Variants in ZNF782 observed in about 807,000 individuals in gnomAD.
ZNF782 encodes the protein zinc finger protein 782.
A neutral mutation model predicts 13.0 loss-of-function variants in ZNF782; 12 were observed. The ratio of observed to expected loss-of-function variants is 0.92; its 90% CI spans 0.59 to 1.50. The LOEUF is 1.50. ZNF782 is among the 40% of genes most tolerant of loss of function. The pLI is 0.00. For missense variants in ZNF782, 770 were observed against 822.9 expected, an observed-to-expected ratio of 0.94 and a Z score of 0.79; for synonymous variants, 284 against 283.0, an observed-to-expected ratio of 1.00 and a Z score of -0.04.
the ZNF782 span, among the ~76,000 whole-genome samples, chr9:96,933,183 T>A: frequency 3.3e-5 from 5 of 149,594 alleles, no homozygotes; most frequent in African/African-American, 1.2e-4. Flanking sequence ...TTTCACCATG[T>A]TAGCCAGGAT....
At position 96,817,765 on chromosome 9, in the gene ZNF782, C is replaced by T; in HGVS notation, c.*158G>A. On this transcript the variant is annotated 3_prime_UTR_variant, in exon 6 of 6. Transcript: ENST00000481138. ...AATGCCCATATAAAATAGATTTCAACAATTTATCTTCTATTCTTTGATATT... is the reference window on the plus strand; with the variant it reads ...AATGCCCATATAAAATAGATTTCAATAATTTATCTTCTATTCTTTGATATT... 1 of 628,042 alleles carries T rather than the reference C, an allele frequency of 1.6e-6. No homozygotes were observed. The highest frequency in any genetic ancestry group is 3.3e-5 in the South Asian group (1 of 30,326). The allele number at this position is 628,042 out of a possible 1,614,324, so 38.9% of individuals were successfully genotyped here. A position where few individuals can be genotyped will look rare whatever the true frequency, so the allele number is the denominator to read the frequency against.
chr9:96,907,892 T>TC, the ZNF782 span, among the ~76,000 whole-genome samples: 3 of 151,724 alleles, frequency 2.0e-5, no homozygotes, highest in Non-Finnish European at 2.9e-5. Flanking sequence ...CTGCCCACCT[T>TC]GGCCTCCCAA....
At chr9:96,843,882 A>G (rs1851261763) in intron 4 of ZNF782, among the ~76,000 whole-genome samples, 1 of 152,212 alleles carries the variant, frequency 6.6e-6, no homozygotes, top group African/African-American at 2.4e-5. Context: ...TCTGTAAAAC[A>G]TATATCTAAT....
chr9:96,847,594 A>C lies in ZNF782; in HGVS notation c.16-2578T>G, dbSNP rs1484685177. ...AATGGATAAATTCTTGCAAACATACAACACTCCTAGATTAAATCAGGAAGA... is the reference window on the plus strand; with the variant it reads ...AATGGATAAATTCTTGCAAACATACCACACTCCTAGATTAAATCAGGAAGA... On this transcript the variant is annotated intron_variant, in intron 3 of 5. Coordinates refer to ENST00000481138, the MANE Select transcript of ZNF782 (RefSeq NM_001001662.3). 2.0e-5 allele frequency among the ~76,000 whole-genome samples: 3 copies of C among 152,206 alleles called. No homozygotes were observed. The East Asian group carries it at 5.8e-4, about 29-fold the overall frequency.
the ZNF782 span, among the ~76,000 whole-genome samples, chr9:96,916,705 G>A: frequency 2.6e-5 from 4 of 151,824 alleles, no homozygotes; most frequent in South Asian, 4.2e-4. Context: ...AGGCCTTTGC[G>A]GAGGCTGGGC....
intron 3 of ZNF782, among the ~76,000 whole-genome samples, chr9:96,859,790 A>G (rs1279903339): frequency 2.0e-5 from 3 of 152,206 alleles, no homozygotes; most frequent in Non-Finnish European, 2.9e-5. Flanking sequence ...CAGCTCAGCT[A>G]CAGTGGAGAA....
At chr9:96,826,566 G>GTAAATAAA (rs1041997297) in intron 5 of ZNF782, among the ~76,000 whole-genome samples, 14 of 151,696 alleles carry the variant, frequency 9.2e-5, no homozygotes, top group Non-Finnish European at 2.1e-4. Context: ...AAATAAATAA[G>GTAAATAAA]TAAATAAATA....
chr9:96,886,339 A>G, the ZNF782 span, among the ~76,000 whole-genome samples: 1 of 152,212 alleles, frequency 6.6e-6, no homozygotes, highest in Admixed American at 6.5e-5. Context: ...AATGAGTAAA[A>G]ATAAGGGCAA....
the ZNF782 span, chr9:96,894,589 C>T: frequency 6.6e-6 from 1 of 152,178 alleles, no homozygotes; most frequent in South Asian, 2.1e-4. Flanking sequence ...CAGAGTTGAG[C>T]CCAATCTCTC....
upstream of ZNF782, among the ~76,000 whole-genome samples, chr9:96,878,673 G>C (rs1851925059): frequency 6.6e-6 from 1 of 152,140 alleles, no homozygotes; most frequent in Non-Finnish European, 1.5e-5. Flanking sequence ...GGAATATCAT[G>C]TTTATTTAAT....
the ZNF782 span, chr9:96,931,784 G>T: frequency 1.9e-6 from 3 of 1,611,654 alleles, no homozygotes; most frequent in South Asian, 3.3e-5. Context: ...TGTGTTCACG[G>T]CTCTGCCCTT....
intron 4 of ZNF782, among the ~76,000 whole-genome samples, chr9:96,831,380 A>C (rs1430547740): frequency 3.3e-5 from 5 of 152,160 alleles, no homozygotes; most frequent in African/African-American, 1.2e-4. Flanking sequence ...CATAAGATGT[A>C]TCTCTCAGAA....
chr9:96,854,912 T>A (rs557928603), upstream of ZNF782, among the ~76,000 whole-genome samples: 1,909 of 106,650 alleles, frequency 0.018, 48 homozygotes, highest in African/African-American at 0.067. Context: ...TTTGTAGAAA[T>A]TTTTTTTTTA....
chr9:96,852,676 T>G (rs1390934314), intron 2 of ZNF782, among the ~76,000 whole-genome samples, 177 bp downstream of exon 2: 1 of 152,108 alleles, frequency 6.6e-6, no homozygotes, highest in Non-Finnish European at 1.5e-5. Flanking sequence ...AGCAGAAAAA[T>G]ATTCAGTGTG....
the ZNF782 span, among the ~76,000 whole-genome samples, chr9:96,925,982 G>A: frequency 1.6e-4 from 21 of 132,598 alleles, no homozygotes; most frequent in African/African-American, 7.5e-4. Context: ...GCAGGGGCCA[G>A]AGGACTTTTA....
chr9:96,921,557 TTTATC>T, the ZNF782 span, among the ~76,000 whole-genome samples: 1 of 144,306 alleles, frequency 6.9e-6, no homozygotes, highest in South Asian at 2.3e-4. Flanking sequence ...AAAAAAGAAC[TTTATC>T]TTAAACTAAA....
At chr9:96,912,863 G>T in the ZNF782 span, among the ~76,000 whole-genome samples, 8 of 151,312 alleles carry the variant, frequency 5.3e-5, no homozygotes, top group African/African-American at 1.2e-4. Flanking sequence ...AGTTGCTGGG[G>T]TTTTTTTTGG....
the ZNF782 span, chr9:96,933,422 G>A: frequency 6.6e-6 from 1 of 151,972 alleles, no homozygotes; most frequent in African/African-American, 2.4e-5. Context: ...CCAGGCTGGA[G>A]TGCAATGGTG....
chr9:96,843,013 T>C (rs1851233251), intron 4 of ZNF782, among the ~76,000 whole-genome samples: 1 of 152,106 alleles, frequency 6.6e-6, no homozygotes. Context: ...TATACACCTG[T>C]TCAACGACTA....
Sources: allele counts gnomAD v4.1 joint callset (sites outside exome capture counted in the v4.1 genomes callset), GRCh38; gene constraint gnomAD v4.1.1; transcripts MANE v1.5; gene names NCBI Gene and HGNC (gene_info 2026-07-23, HGNC 2026-07-21).